Variants in ATOSA observed in about 807,000 individuals in gnomAD.
The protein encoded by ATOSA is atos homolog protein A.
the ATOSA span, among the ~76,000 whole-genome samples, chr15:52,652,358 A>G: frequency 6.6e-6 from 1 of 152,258 alleles, no homozygotes; most frequent in African/African-American, 2.4e-5. Context: ...CATAAACTGA[A>G]GACAAAGAAG....
the ATOSA span, among the ~76,000 whole-genome samples, chr15:52,590,079 TGCCCG>T: frequency 1.8e-3 from 278 of 152,264 alleles, 2 homozygotes; most frequent in East Asian, 0.015. Flanking sequence ...TGAGCCACCA[TGCCCG>T]GCCCTTCTTC....
At chr15:52,599,575 C>A in the ATOSA span, among the ~76,000 whole-genome samples, 7 of 152,136 alleles carry the variant, frequency 4.6e-5, no homozygotes, top group Non-Finnish European at 1.5e-5. Flanking sequence ...TAAGGTTAAG[C>A]TGATTTCTAA....
the ATOSA span, among the ~76,000 whole-genome samples, chr15:52,599,319 T>C: frequency 6.6e-6 from 1 of 152,174 alleles, no homozygotes; most frequent in Non-Finnish European, 1.5e-5. Context: ...AATAGAGAGC[T>C]TGACATCTCT....
the ATOSA span, among the ~76,000 whole-genome samples, chr15:52,672,150 A>C: frequency 1.4e-5 from 2 of 139,116 alleles, no homozygotes; most frequent in Admixed American, 1.5e-4. Flanking sequence ...CAGTCTGGGC[A>C]ACATAGTGAG....
At chr15:52,660,268 T>C in the ATOSA span, among the ~76,000 whole-genome samples, 1 of 152,202 alleles carries the variant, frequency 6.6e-6, no homozygotes, top group Non-Finnish European at 1.5e-5. Context: ...ATCACCACCC[T>C]TGAAGAACAA....
the ATOSA span, among the ~76,000 whole-genome samples, chr15:52,646,266 G>A: frequency 1.3e-5 from 2 of 152,122 alleles, no homozygotes; most frequent in Non-Finnish European, 2.9e-5. Context: ...TGAGAAACTT[G>A]GGCACACACA....
At chr15:52,693,929 C>A in the ATOSA span, among the ~76,000 whole-genome samples, 1 of 152,100 alleles carries the variant, frequency 6.6e-6, no homozygotes, top group Non-Finnish European at 1.5e-5. Context: ...TGCGTGTCTG[C>A]ACTACTTAAA....
chr15:52,663,406 A>G, the ATOSA span, among the ~76,000 whole-genome samples: 2 of 152,178 alleles, frequency 1.3e-5, no homozygotes, highest in African/African-American at 2.4e-5. Flanking sequence ...TTCTTGGATT[A>G]TATTTTCTAT....
the ATOSA span, among the ~76,000 whole-genome samples, chr15:52,677,132 T>C: frequency 2.6e-5 from 4 of 152,206 alleles, no homozygotes; most frequent in East Asian, 1.9e-4. Context: ...CAGTTTAATA[T>C]ATATAAATTT....
At chr15:52,603,475 G>C in the ATOSA span, among the ~76,000 whole-genome samples, 1 of 152,020 alleles carries the variant, frequency 6.6e-6, no homozygotes, top group Non-Finnish European at 1.5e-5. Flanking sequence ...TCCCACTGCT[G>C]GGCATATATC....
chr15:52,665,321 C>T, the ATOSA span, among the ~76,000 whole-genome samples: 1 of 152,128 alleles, frequency 6.6e-6, no homozygotes, highest in Non-Finnish European at 1.5e-5. Context: ...TTAGCTTGGG[C>T]ATATAATGTT....
the ATOSA span, among the ~76,000 whole-genome samples, chr15:52,589,358 A>G: frequency 6.6e-6 from 1 of 152,182 alleles, no homozygotes; most frequent in Non-Finnish European, 1.5e-5. Flanking sequence ...TACCTAAATA[A>G]TAGCTATCTT....
the ATOSA span, among the ~76,000 whole-genome samples, chr15:52,638,061 C>T: frequency 0.012 from 1,834 of 152,264 alleles, 28 homozygotes; most frequent in African/African-American, 0.037. Flanking sequence ...AAATATTCAA[C>T]ATTTCACCAC....
At chr15:52,694,999 A>G in the ATOSA span, among the ~76,000 whole-genome samples, 1 of 148,250 alleles carries the variant, frequency 6.7e-6, no homozygotes, top group Admixed American at 6.9e-5. Flanking sequence ...ATCCCGGCTC[A>G]CTGCAACCTC....
chr15:52,674,471 T>C, the ATOSA span, among the ~76,000 whole-genome samples: 1 of 152,224 alleles, frequency 6.6e-6, no homozygotes, highest in Admixed American at 6.5e-5. Context: ...ATTTTCCAGC[T>C]GCCCAGCTCT....
chr15:52,658,801 CAA>C, the ATOSA span: 809 of 262,510 alleles, frequency 3.1e-3, no homozygotes, highest in East Asian at 0.02. Context: ...CTCGTTTCTA[CAA>C]AAAAAAAAAA....
chr15:52,597,995 G>A, the ATOSA span, among the ~76,000 whole-genome samples: 26 of 152,064 alleles, frequency 1.7e-4, no homozygotes, highest in African/African-American at 5.5e-4. Context: ...ATGGTGGCGC[G>A]CTCCTGTAAT....
chr15:52,703,676 A>ACACC, the ATOSA span, among the ~76,000 whole-genome samples: 1 of 152,008 alleles, frequency 6.6e-6, no homozygotes, highest in Non-Finnish European at 1.5e-5. Flanking sequence ...TGTGGTACAC[A>ACACC]CACCGGGGCC....
the ATOSA span, among the ~76,000 whole-genome samples, chr15:52,654,581 C>T: frequency 9.2e-5 from 14 of 152,128 alleles, no homozygotes; most frequent in South Asian, 4.1e-4. Flanking sequence ...CCTGCTCCTC[C>T]GGAACACACT....
Sources: gnomAD v4.1 joint callset for allele counts (sites outside exome capture counted in the v4.1 genomes callset) on GRCh38, gnomAD v4.1.1 for gene constraint, MANE v1.5 for transcripts, NCBI Gene and HGNC (gene_info 2026-07-23, HGNC 2026-07-21) for gene names.